The following GDNF variants were observed in gnomAD, a reference collection of about 807,000 sequenced individuals.
GDNF encodes the protein glial cell line-derived neurotrophic factor.
In GDNF, 5 loss-of-function variants were observed where a neutral mutation model predicts 13.7. That is an observed-to-expected ratio of 0.36 (90% CI 0.19 to 0.77). GDNF has a LOEUF of 0.77. Among genes scored for constraint, GDNF ranks in the 30% least tolerant of loss-of-function variants. The pLI, the probability that GDNF is intolerant of heterozygous loss-of-function variation, is 0.51. For synonymous variants in GDNF, 122 were observed against 112.5 expected (o/e 1.08, Z -0.53); for missense variants, 246 against 274.3 (o/e 0.90, Z 0.73).
rs58565378 is a variant in GDNF at position 37,833,799 on chromosome 5, AG to A, written c.151+846del. 2.6e-5 allele frequency among the ~76,000 whole-genome samples: 4 copies of A among 152,358 alleles called. No homozygotes were observed. The East Asian group carries it at 7.7e-4, about 29-fold the overall frequency. ...TTTGTTGACATTATGCCTCTGCAACAGCCTCTATCACATGTAATGTAGCCTC... is the reference window on the plus strand; with the variant it reads ...TTTGTTGACATTATGCCTCTGCAACACCTCTATCACATGTAATGTAGCCTC... On this transcript the variant is annotated intron_variant, in intron 2 of 2. Coordinates refer to ENST00000326524, the MANE Select transcript of GDNF (RefSeq NM_000514.4).
Position 37,837,531 on chromosome 5 carries a change from C to G in GDNF, c.-27+1976G>C, listed in dbSNP as rs1750751298. Among the ~76,000 whole-genome samples, 1 of 152,148 alleles carries G rather than the reference C, an allele frequency of 6.6e-6. No homozygotes were observed. Among genetic ancestry groups the G allele is most frequent in the Non-Finnish European group, 1.5e-5 (1 of 68,022 alleles). ...AGAAGTGCTCGCAGAAGCAGCCGCT[C>G]GCCGCGAGGCACTTCTGAGTTCCCG... On this transcript the variant is annotated intron_variant, in intron 1 of 2. Coordinates refer to ENST00000326524, the MANE Select transcript of GDNF (RefSeq NM_000514.4). This position sits in a 1 kb window ranked among gnomAD's most constrained non-coding sequence, Gnocchi z 6.5.
At position 37,823,910 on chromosome 5, in the gene GDNF, C is replaced by T. The variant is rs553787221; in HGVS notation, c.152-7775G>A. ...AAGGGAGTAGACCACCTCTGGCTGA[C>T]GCCCCAGCAGCATTCAGCTCAGCCA... is the stretch of plus-strand genomic sequence containing the variant. On this transcript the variant is annotated intron_variant, in intron 2 of 2. Coordinates refer to ENST00000326524, the MANE Select transcript of GDNF (RefSeq NM_000514.4). The T allele has an allele frequency of 5.0e-4, 118 of 236,854 alleles. 1 individual carries two copies. The highest frequency in any genetic ancestry group is 4.2e-3 in the Middle Eastern group (2 of 472). The allele number at this position is 236,854 out of a possible 1,614,324, so 14.7% of individuals were successfully genotyped here.
At chr5:37,831,598 C>A (rs576139810) in intron 2 of GDNF, among the ~76,000 whole-genome samples, 5 of 152,304 alleles carry the variant, frequency 3.3e-5, no homozygotes, top group Admixed American at 3.3e-4. Flanking sequence ...ATATAAAGTA[C>A]ATTTCAGTAG....
intron 2 of GDNF, among the ~76,000 whole-genome samples, chr5:37,819,444 CT>C (rs529362873): frequency 0.13 from 16,974 of 126,152 alleles, 764 homozygotes; most frequent in African/African-American, 0.24. Flanking sequence ...GTGCTCTTTT[CT>C]TTTTTTTTTT....
At chr5:37,836,834 C>T (rs1168072557) in intron 1 of GDNF, among the ~76,000 whole-genome samples, 1 of 152,240 alleles carries the variant, frequency 6.6e-6, no homozygotes, top group Non-Finnish European at 1.5e-5. Context: ...CCCTTTTTTC[C>T]TGCTTGGCCG....
chr5:37,816,455 A>G (rs1030259491), intron 2 of GDNF, among the ~76,000 whole-genome samples: 3 of 152,204 alleles, frequency 2.0e-5, no homozygotes, highest in South Asian at 2.1e-4. Context: ...GAGCTGGCCA[A>G]TCTTCTAGGG....
chr5:37,835,023 C>T, intron 1 of GDNF: 1 of 593,798 alleles, frequency 1.7e-6, no homozygotes, highest in Non-Finnish European at 3.0e-6. Context: ...CCAGGAGCAG[C>T]TCGCACTCCT....
At position 37,815,851 on chromosome 5, in the gene GDNF, T is replaced by G; in HGVS notation, c.436A>C (p.Ser146Arg). The change falls in exon 3 of 3, where the codon AGC (serine) becomes CGC (arginine). Residue 146 changes from serine (S) to arginine (R), a missense_variant. Transcript: ENST00000326524. The surrounding 1 kb of genome is among the most constrained non-coding windows in gnomAD (Gnocchi z 5.0). ...TKEELIFRYC[S>R]GSCDAAETTY... The stretch of plus-strand genomic sequence containing the variant: ...GTCTCAGCTGCATCGCAAGAGCCGC[T>G]GCAGTACCTAAAAATCAGTTCCTCC... 6.2e-7 allele frequency: 1 copy of G among 1,614,124 alleles called. No individual in the cohort carries two copies. Among genetic ancestry groups the G allele is most frequent in the African/African-American group, 1.3e-5 (1 of 75,034 alleles).
intron 1 of GDNF, chr5:37,835,519 C>A: frequency 6.7e-7 from 1 of 1,490,036 alleles, no homozygotes; most frequent in Non-Finnish European, 9.1e-7. Flanking sequence ...TACTTAACTT[C>A]CCAAAGCACT....
intron 2 of GDNF, chr5:37,824,357 T>C (rs1237043737): frequency 2.0e-5 from 3 of 152,232 alleles, no homozygotes; most frequent in Non-Finnish European, 4.4e-5. Flanking sequence ...GCTTAGGTCA[T>C]ACCCAGCTTA....
intron 2 of GDNF, among the ~76,000 whole-genome samples, chr5:37,825,528 C>A (rs1011534481): frequency 6.6e-6 from 1 of 152,198 alleles, no homozygotes; most frequent in Admixed American, 6.5e-5. Flanking sequence ...AGGAGGTCTG[C>A]TACTGCCCTT....
chr5:37,820,875 A>G (rs947198127), intron 2 of GDNF, among the ~76,000 whole-genome samples: 1 of 152,162 alleles, frequency 6.6e-6, no homozygotes, highest in African/African-American at 2.4e-5. Flanking sequence ...TTAAACCCCA[A>G]GTTCAGGCCA....
chr5:37,826,037 G>C (rs1260224824), intron 2 of GDNF, among the ~76,000 whole-genome samples: 1 of 152,122 alleles, frequency 6.6e-6, no homozygotes, highest in Non-Finnish European at 1.5e-5. Context: ...GATGCAGTCA[G>C]AAGAGTGACA....
In GDNF at chr5:37,815,465, C is replaced by G; in HGVS notation, c.*186G>C. 1.5e-6 allele frequency: 1 copy of G among 651,368 alleles called. No individual in the cohort carries two copies. The highest frequency in any genetic ancestry group is 1.8e-5 in the South Asian group (1 of 56,326). The allele number at this position is 651,368 out of a possible 1,614,324, so 40.3% of individuals were successfully genotyped here. ...TTGTCTGTAGCTGGATCTCCCTCTA[C>G]CAGGCTCCCATGATGGCTGCCTTCC... is the stretch of plus-strand genomic sequence containing the variant. On this transcript the variant is annotated 3_prime_UTR_variant, in exon 3 of 3. Transcript: ENST00000326524. This position sits in a 1 kb window ranked among gnomAD's most constrained non-coding sequence, Gnocchi z 5.0.
At chr5:37,817,059 C>T (rs1386601993) in intron 2 of GDNF, among the ~76,000 whole-genome samples, 1 of 152,162 alleles carries the variant, frequency 6.6e-6, no homozygotes, top group Non-Finnish European at 1.5e-5. Flanking sequence ...AGGGTGAGGT[C>T]CAGCCTCAGC....
intron 2 of GDNF, among the ~76,000 whole-genome samples, chr5:37,826,173 T>C (rs577694868): frequency 6.6e-6 from 1 of 152,268 alleles, no homozygotes; most frequent in South Asian, 2.1e-4. Context: ...AATTTCCCCA[T>C]CTTTCAAATG....
chr5:37,824,026 T>C (rs1214734606), intron 2 of GDNF: 2 of 980,866 alleles, frequency 2.0e-6, no homozygotes, highest in Non-Finnish European at 2.4e-6. Flanking sequence ...GCTGAATGTC[T>C]CGGCTACATT....
chr5:37,831,018 A>G (rs1750506630), intron 2 of GDNF, among the ~76,000 whole-genome samples: 1 of 152,244 alleles, frequency 6.6e-6, no homozygotes, highest in Non-Finnish European at 1.5e-5. Context: ...CGTGGTTTAC[A>G]TAGGTTTTTG....
rs1749836536 is a variant in GDNF at position 37,814,392 on chromosome 5, T to G, written c.*1259A>C. The G allele has an allele frequency of 6.6e-6, 1 of 152,270 alleles. No individual in the cohort carries two copies. Among genetic ancestry groups the G allele is most frequent in the African/African-American group, 2.4e-5 (1 of 41,400 alleles). The allele number at this position is 152,270 out of a possible 1,614,324, so 9.4% of individuals were successfully genotyped here. On this transcript the variant is annotated 3_prime_UTR_variant, in exon 3 of 3. Coordinates refer to ENST00000326524, the MANE Select transcript of GDNF (RefSeq NM_000514.4). ...AGTGCCAGTGGTCTCTGCACGCTGCTCCAGGAAAGGGGGCTTGCCTGAGAT... is the reference window on the plus strand; with the variant it reads ...AGTGCCAGTGGTCTCTGCACGCTGCGCCAGGAAAGGGGGCTTGCCTGAGAT...
Sources: allele counts gnomAD v4.1 joint callset (sites outside exome capture counted in the v4.1 genomes callset), GRCh38; gene constraint gnomAD v4.1.1; non-coding constraint Gnocchi (gnomAD v3.1); transcripts MANE v1.5; gene names NCBI Gene and HGNC (gene_info 2026-07-23, HGNC 2026-07-21).